Variants in STX3 observed in about 807,000 individuals in gnomAD.
STX3 encodes syntaxin-3.
STX3 carries 19 observed loss-of-function variants against 40.2 expected under a neutral mutation model. That is an observed-to-expected ratio of 0.47 (90% confidence interval 0.33 to 0.69). The LOEUF is 0.69. Ranked by LOEUF, STX3 falls within the 30% of genes least tolerant of loss-of-function variation. The pLI is 0.02. For missense variants in STX3, 364 were observed against 366.7 expected, an observed-to-expected ratio of 0.99 and a Z score of 0.06; for synonymous variants, 122 against 132.2, an observed-to-expected ratio of 0.92 and a Z score of 0.53.
intron 2 of STX3, among the ~76,000 whole-genome samples, chr11:59,778,253 T>TC (rs1269939096): frequency 1.3e-5 from 2 of 152,156 alleles, no homozygotes; most frequent in Non-Finnish European, 2.9e-5. Context: ...CTATTTGGCA[T>TC]CACCCTGTGA....
intron 6 of STX3, 48 bp downstream of exon 6, chr11:59,792,263 G>A (rs1293427412): frequency 1.3e-6 from 2 of 1,544,616 alleles, no homozygotes; most frequent in Admixed American, 3.5e-5. Context: ...CCTGCCACCT[G>A]GTTGTCCATC....
rs1288518600 is a variant in STX3, at chr11:59,797,444, A to T, written c.*30+48A>T. On this transcript the variant is annotated intron_variant, in intron 10 of 10. Transcript: ENST00000337979. ...GGGACTCTGGATTTGGCTCCTCAAGAGGAAATTAGCTTGGGATTTCAAATT... is the reference window on the plus strand; with the variant it reads ...GGGACTCTGGATTTGGCTCCTCAAGTGGAAATTAGCTTGGGATTTCAAATT... The T allele has an allele frequency of 2.9e-6, 4 of 1,383,018 alleles. No individual in the cohort carries two copies. The African/African-American group carries it at 5.8e-5, about 20-fold the overall frequency. 85.7% of individuals were successfully genotyped at this position (1,383,018 alleles called of 1,614,324 possible).
At chr11:59,765,156 G>A (rs1170998425) in intron 1 of STX3, among the ~76,000 whole-genome samples, 1 of 152,194 alleles carries the variant, frequency 6.6e-6, no homozygotes, top group Admixed American at 6.5e-5. Context: ...TCTGATGAGT[G>A]TGTTGGGGAA....
At chr11:59,758,017 C>G (rs1236815114) in intron 1 of STX3, among the ~76,000 whole-genome samples, 2 of 152,180 alleles carry the variant, frequency 1.3e-5, no homozygotes, top group African/African-American at 4.8e-5. Flanking sequence ...ATTGAGCAGC[C>G]TATGCAATCT....
At chr11:59,785,366 C>T (rs563265773) in intron 2 of STX3, among the ~76,000 whole-genome samples, 7 of 152,170 alleles carry the variant, frequency 4.6e-5, no homozygotes, top group South Asian at 2.1e-4. Context: ...AGTCTCACTC[C>T]GTTGCTCAGG....
At chr11:59,795,911 C>T (rs1219160111) in intron 9 of STX3, among the ~76,000 whole-genome samples, 2 of 152,168 alleles carry the variant, frequency 1.3e-5, no homozygotes, top group South Asian at 2.1e-4. Context: ...GGCTCACAAG[C>T]TATCTCCCCA....
At chr11:59,800,160 T>C in intron 10 of STX3, 1 of 985,462 alleles carries the variant, frequency 1.0e-6, no homozygotes, top group African/African-American at 1.7e-5. Flanking sequence ...CTGCTTTTTT[T>C]GTAGTGTATT....
At chr11:59,792,470 G>T (rs1865245345) in intron 6 of STX3, among the ~76,000 whole-genome samples, 1 of 152,228 alleles carries the variant, frequency 6.6e-6, no homozygotes, top group South Asian at 2.1e-4. Context: ...TTGCCAAACA[G>T]TTGCTCTCTT....
At chr11:59,756,138 G>C (rs986111887) in intron 1 of STX3, among the ~76,000 whole-genome samples, 7 of 151,946 alleles carry the variant, frequency 4.6e-5, no homozygotes, top group Non-Finnish European at 8.8e-5. Flanking sequence ...CCGGTGGTCT[G>C]TAATTGTTAT....
At chr11:59,759,949 C>T (rs183011924) in intron 1 of STX3, among the ~76,000 whole-genome samples, 15 of 152,262 alleles carry the variant, frequency 9.9e-5, no homozygotes, top group African/African-American at 2.9e-4. Flanking sequence ...TACCAATCTG[C>T]GCTTCACTGA....
At chr11:59,755,732 G>A (rs1862675601) in intron 1 of STX3, 97 bp downstream of exon 1, 2 of 1,414,122 alleles carry the variant, frequency 1.4e-6, no homozygotes, top group East Asian at 2.8e-5. Context: ...GGGGGCCCGA[G>A]CCGGAGGCTT....
At position 59,788,868 on chromosome 11, in the gene STX3, C is replaced by A. The variant is rs758481155; in HGVS notation, c.215-5C>A. On this transcript the variant is annotated splice_polypyrimidine_tract_variant and splice_region_variant and intron_variant, in intron 3 of 10. Transcript: ENST00000337979. ...AACGGATTCTGCCTGCCTTTATTTA[C>A]CCAGAAACCAAGGATGACCTAGAGC... 1 of 1,611,180 alleles carries A rather than the reference C, an allele frequency of 6.2e-7. No individual in the cohort carries two copies. Among genetic ancestry groups the A allele is most frequent in the Non-Finnish European group, 8.5e-7 (1 of 1,178,614 alleles).
chr11:59,794,248 G>A (rs1271266562), intron 8 of STX3, among the ~76,000 whole-genome samples: 1 of 152,150 alleles, frequency 6.6e-6, no homozygotes, highest in Non-Finnish European at 1.5e-5. Flanking sequence ...ATGCTTGCTC[G>A]GGATAGAATT....
intron 1 of STX3, among the ~76,000 whole-genome samples, chr11:59,755,850 A>G (rs951525377): frequency 1.3e-5 from 2 of 151,986 alleles, no homozygotes; most frequent in African/African-American, 4.8e-5. Context: ...GATTTTCCTG[A>G]ACGCCTCTAA....
intron 2 of STX3, among the ~76,000 whole-genome samples, chr11:59,776,451 G>A (rs2134944551): frequency 1.3e-5 from 2 of 152,274 alleles, no homozygotes; most frequent in South Asian, 4.2e-4. Context: ...ATGTGGTGTA[G>A]ATATACTGTT....
chr11:59,803,014 C>A lies in STX3; in HGVS notation c.*2190C>A. 1 of 985,356 alleles carries A rather than the reference C, an allele frequency of 1.0e-6. No homozygotes were observed. The highest frequency in any genetic ancestry group is 5.2e-4 in the Middle Eastern group (1 of 1,914). The allele number at this position is 985,356 out of a possible 1,614,324, so 61.0% of individuals were successfully genotyped here. A position where few individuals can be genotyped will look rare whatever the true frequency, so the allele number is the denominator to read the frequency against. Reference sequence around the variant, plus strand: ...AGGTGGAATGACCATACCAAACATCCTTTTAATCTAACTTGAATGTCTCAC... The same window carrying A: ...AGGTGGAATGACCATACCAAACATCATTTTAATCTAACTTGAATGTCTCAC... On this transcript the variant is annotated 3_prime_UTR_variant, in exon 11 of 11. Coordinates refer to ENST00000337979, the MANE Select transcript of STX3 (RefSeq NM_004177.5).
chr11:59,771,547 G>A (rs1863648061), intron 1 of STX3, among the ~76,000 whole-genome samples: 1 of 152,046 alleles, frequency 6.6e-6, no homozygotes, highest in South Asian at 2.1e-4. Flanking sequence ...TTGCATGCGG[G>A]AGCCATGCCC....
chr11:59,802,450 G>A lies in STX3; in HGVS notation c.*1626G>A, dbSNP rs1370540722. ...TCCTTTGCAAAGGCTACTTATGGCC[G>A]GTCACAATCCAGCACTCAGACAGAG... On this transcript the variant is annotated 3_prime_UTR_variant, in exon 11 of 11. Transcript: ENST00000337979. 4 of 985,676 alleles carry A rather than the reference G, an allele frequency of 4.1e-6. No individual in the cohort carries two copies. The highest frequency in any genetic ancestry group is 1.7e-5 in the African/African-American group (1 of 57,192). 61.1% of individuals were successfully genotyped at this position (985,676 alleles called of 1,614,324 possible). A position where few individuals can be genotyped will look rare whatever the true frequency, so the allele number is the denominator to read the frequency against.
At chr11:59,795,735 T>G (rs1322329878) in intron 9 of STX3, 2 of 1,530,148 alleles carry the variant, frequency 1.3e-6, no homozygotes, top group Non-Finnish European at 1.8e-6. Context: ...ATCTCAACTG[T>G]CCTTCGTCTC....
Sources: allele counts gnomAD v4.1 joint callset (sites outside exome capture counted in the v4.1 genomes callset), GRCh38; gene constraint gnomAD v4.1.1; transcripts MANE v1.5; gene names NCBI Gene and HGNC (gene_info 2026-07-23, HGNC 2026-07-21).